MARCHF1: variants seen among roughly 807,000 people sequenced by gnomAD.
The protein encoded by MARCHF1 is membrane associated ring-CH-type finger 1, also known as E3 ubiquitin-protein ligase MARCHF1.
MARCHF1 carries 40 observed loss-of-function variants against 54.2 expected under a neutral mutation model. The observed-to-expected ratio is 0.74, with a 90% CI of 0.57 to 0.96. MARCHF1 has a LOEUF of 0.96. MARCHF1 is among the 40% of genes least tolerant of loss of function. The pLI is 0.00. For missense variants in MARCHF1, 586 were observed against 656.5 expected (o/e 0.89, Z 1.17); for synonymous variants, 236 against 236.3 (o/e 1.00, Z 0.01).
At chr4:163,682,884 A>C (rs1261640943) in intron 5 of MARCHF1, among the ~76,000 whole-genome samples, 1 of 152,058 alleles carries the variant, frequency 6.6e-6, no homozygotes, top group Non-Finnish European at 1.5e-5. Context: ...TTTATAAATT[A>C]CTCAGTCTTG....
At chr4:164,372,107 T>G (rs1275752421) in intron 1 of MARCHF1, among the ~76,000 whole-genome samples, 4 of 152,200 alleles carry the variant, frequency 2.6e-5, no homozygotes, top group African/African-American at 9.7e-5. Flanking sequence ...GAAATTATAT[T>G]TCACTCAAAT....
At chr4:163,845,523 G>A (rs1465688365) in intron 4 of MARCHF1, among the ~76,000 whole-genome samples, 2 of 150,700 alleles carry the variant, frequency 1.3e-5, no homozygotes, top group Admixed American at 1.3e-4. Flanking sequence ...TCTCCTATTT[G>A]AGTACCCACC....
At chr4:163,546,224 C>T (rs992132677) in intron 8 of MARCHF1, among the ~76,000 whole-genome samples, 2 of 152,162 alleles carry the variant, frequency 1.3e-5, no homozygotes, top group African/African-American at 2.4e-5. Context: ...AATCCACCCC[C>T]ACCTTGTCCT....
intron 4 of MARCHF1, among the ~76,000 whole-genome samples, chr4:163,786,279 T>C (rs1290655063): frequency 6.6e-6 from 1 of 152,042 alleles, no homozygotes; most frequent in African/African-American, 2.4e-5. Context: ...TTTTGAAGCA[T>C]ATGAATTAAA....
intron 4 of MARCHF1, among the ~76,000 whole-genome samples, chr4:163,733,203 A>ATACATACACATG (rs1554008843): frequency 1.3e-4 from 5 of 37,862 alleles, no homozygotes; most frequent in African/African-American, 2.8e-4. Context: ...ATATATATAT[A>ATACATACACATG]TATATATATA....
intron 2 of MARCHF1, among the ~76,000 whole-genome samples, chr4:164,064,175 A>G (rs1027583953): frequency 6.6e-6 from 1 of 152,150 alleles, no homozygotes; most frequent in Non-Finnish European, 1.5e-5. Context: ...GAATTGTAAA[A>G]TAGTTTTCTC....
intron 1 of MARCHF1, among the ~76,000 whole-genome samples, chr4:164,161,148 A>G (rs1579584543): frequency 6.6e-6 from 1 of 152,216 alleles, no homozygotes; most frequent in South Asian, 2.1e-4. Context: ...ATGGGGGCAG[A>G]TTTCTCATTA....
intron 1 of MARCHF1, among the ~76,000 whole-genome samples, chr4:164,268,882 G>A (rs548253946): frequency 6.6e-6 from 1 of 152,224 alleles, no homozygotes; most frequent in African/African-American, 2.4e-5. Flanking sequence ...GCAACTTAAC[G>A]GAAGGAGCTG....
intron 7 of MARCHF1, among the ~76,000 whole-genome samples, chr4:163,597,798 T>A (rs1285184705): frequency 6.6e-6 from 1 of 152,198 alleles, no homozygotes; most frequent in Non-Finnish European, 1.5e-5. Flanking sequence ...TGTGTCTAGT[T>A]CCCTTCCTGT....
At chr4:163,691,565 G>T (rs1744458476) in intron 5 of MARCHF1, among the ~76,000 whole-genome samples, 1 of 152,152 alleles carries the variant, frequency 6.6e-6, no homozygotes, top group South Asian at 2.1e-4. Context: ...GGAAAAAGGT[G>T]AAAGGAATCT....
intron 3 of MARCHF1, among the ~76,000 whole-genome samples, chr4:163,925,349 C>G (rs932702139): frequency 1.3e-5 from 2 of 151,818 alleles, no homozygotes; most frequent in Non-Finnish European, 3.0e-5. Flanking sequence ...ATGGTCCATT[C>G]CTCAGACATC....
intron 4 of MARCHF1, among the ~76,000 whole-genome samples, chr4:163,840,899 T>G (rs1749319244): frequency 6.6e-6 from 1 of 152,122 alleles, no homozygotes; most frequent in Admixed American, 6.6e-5. Flanking sequence ...ATATACAACT[T>G]AAATGGGCAT....
rs55721102 is a variant in MARCHF1 at position 164,165,362 on chromosome 4, G to GTCTCTC, written c.-322-53706_-322-53701dup. ...AGAAACACAAGCACGTTTTCTCTCT[G>GTCTCTC]TCTCTCTCTCTCTCTCTCTCTGCCT... On this transcript the variant is annotated intron_variant, in intron 1 of 9. Coordinates refer to ENST00000514618, the MANE Select transcript of MARCHF1 (RefSeq NM_001394959.1). Among the ~76,000 whole-genome samples the GTCTCTC allele has an allele frequency of 6.0e-3, 898 of 148,744 alleles. 7 individuals carry two copies. The highest frequency in any genetic ancestry group is 0.021 in the African/African-American group (846 of 40,588).
intron 3 of MARCHF1, among the ~76,000 whole-genome samples, chr4:163,895,365 TGA>T (rs1750783146): frequency 6.6e-6 from 1 of 152,218 alleles, no homozygotes; most frequent in South Asian, 2.1e-4. Context: ...GCTGCTTTCC[TGA>T]GATAGCTACA....
intron 1 of MARCHF1, among the ~76,000 whole-genome samples, chr4:164,304,240 AAC>A (rs1354387966): frequency 6.6e-6 from 1 of 152,222 alleles, no homozygotes; most frequent in Non-Finnish European, 1.5e-5. Flanking sequence ...ATAATCCATG[AAC>A]ACAGAACAAG....
At chr4:163,994,948 A>G (rs1162524902) in intron 2 of MARCHF1, among the ~76,000 whole-genome samples, 1 of 152,144 alleles carries the variant, frequency 6.6e-6, no homozygotes, top group African/African-American at 2.4e-5. Flanking sequence ...TTTTACACAG[A>G]AGACTTCTGT....
chr4:163,952,473 T>C (rs570171475), intron 3 of MARCHF1, among the ~76,000 whole-genome samples: 26 of 152,184 alleles, frequency 1.7e-4, no homozygotes, highest in Non-Finnish European at 3.5e-4. Context: ...AAGCATGTTA[T>C]AAAATATGAG....
chr4:164,210,820 G>A (rs115766510), intron 1 of MARCHF1, among the ~76,000 whole-genome samples: 1 of 151,960 alleles, frequency 6.6e-6, no homozygotes, highest in African/African-American at 2.4e-5. Flanking sequence ...AAAGGACAAT[G>A]GATAAAGAAA....
intron 3 of MARCHF1, among the ~76,000 whole-genome samples, chr4:163,928,181 C>T (rs1751579865): frequency 1.3e-5 from 2 of 151,848 alleles, no homozygotes; most frequent in Admixed American, 1.3e-4. Context: ...TTCACTCACT[C>T]ATTCTTTTTT....
Sources: allele counts gnomAD v4.1 joint callset (sites outside exome capture counted in the v4.1 genomes callset), GRCh38; gene constraint gnomAD v4.1.1; transcripts MANE v1.5; gene names NCBI Gene and HGNC (gene_info 2026-07-23, HGNC 2026-07-21).